Variants in DNAJC16 observed in about 807,000 individuals in gnomAD.
The protein encoded by DNAJC16 is DnaJ heat shock protein family (Hsp40) member C16, also known as dnaJ homolog subfamily C member 16.
In DNAJC16, 76 loss-of-function variants were observed where a neutral mutation model predicts 92.7. The observed-to-expected ratio is 0.82, with a 90% CI of 0.68 to 0.99. The LOEUF (loss-of-function observed/expected upper bound fraction) is 0.99, where lower values mean the gene tolerates loss of function less well. DNAJC16 is among the 50% of genes least tolerant of loss of function. The probability of loss-of-function intolerance (pLI) is 0.00; values close to 1 mark genes in which losing one functional copy is unlikely to be tolerated. For missense variants in DNAJC16, 869 were observed against 942.4 expected, an observed-to-expected ratio of 0.92 and a Z score of 1.02; for synonymous variants, 328 against 358.7, an observed-to-expected ratio of 0.91 and a Z score of 0.97.
intron 4 of DNAJC16, among the ~76,000 whole-genome samples, chr1:15,539,398 A>T (rs1337039405): frequency 6.6e-6 from 1 of 151,782 alleles, no homozygotes; most frequent in East Asian, 1.9e-4. Flanking sequence ...GGCACCCATC[A>T]CCACGCCCGG....
chr1:15,568,967 G>A lies in DNAJC16; in HGVS notation c.*790G>A, dbSNP rs1638883857. On this transcript the variant is annotated 3_prime_UTR_variant, in exon 15 of 15. Transcript: ENST00000375847. ...AGTACTGTGATGACTTTGAGCCGTT[G>A]ACATGTATGTCTTCAGATGCCTTTC... 5 of 351,604 alleles carry A rather than the reference G, an allele frequency of 1.4e-5. No homozygotes were observed. Among genetic ancestry groups the A allele is most frequent in the Admixed American group, 4.7e-5 (1 of 21,100 alleles). 21.8% of individuals were successfully genotyped at this position (351,604 alleles called of 1,614,324 possible).
intron 1 of DNAJC16, 70 bp downstream of exon 1, chr1:15,527,028 C>T (rs1046381506): frequency 1.3e-5 from 2 of 152,318 alleles, no homozygotes; most frequent in African/African-American, 2.4e-5. Context: ...GGGATTTCCC[C>T]TCAGTTCCTT....
At chr1:15,566,353 G>T in intron 13 of DNAJC16, 173 bp downstream of exon 13, 1 of 608,656 alleles carries the variant, frequency 1.6e-6, no homozygotes, top group Non-Finnish European at 2.8e-6. Context: ...CTAAGACCCT[G>T]TAGGTGTTTA....
At chr1:15,528,150 T>C (rs570230714) in intron 1 of DNAJC16, among the ~76,000 whole-genome samples, 1 of 152,348 alleles carries the variant, frequency 6.6e-6, no homozygotes, top group African/African-American at 2.4e-5. Context: ...AATGACCATA[T>C]TGGCCGGCGC....
intron 4 of DNAJC16, among the ~76,000 whole-genome samples, chr1:15,539,248 T>TA (rs1491558311): frequency 6.7e-6 from 1 of 150,298 alleles, no homozygotes; most frequent in Non-Finnish European, 1.5e-5. Flanking sequence ...ATTTTATTTT[T>TA]TTTTTTTATT....
chr1:15,565,841 G>C (rs1445086571), intron 11 of DNAJC16, 78 bp from the exon 12 acceptor site: 1 of 1,453,538 alleles, frequency 6.9e-7, no homozygotes, highest in Non-Finnish European at 9.6e-7. Context: ...TTTTTGGTTT[G>C]GGATTTTTAT....
chr1:15,541,036 C>A (rs968637986), intron 4 of DNAJC16, among the ~76,000 whole-genome samples: 2 of 152,144 alleles, frequency 1.3e-5, no homozygotes, highest in African/African-American at 4.8e-5. Flanking sequence ...TGATGCCTCA[C>A]CCTCCCCCAG....
chr1:15,545,716 C>T (rs932764091), intron 5 of DNAJC16, among the ~76,000 whole-genome samples: 3 of 152,194 alleles, frequency 2.0e-5, no homozygotes, highest in African/African-American at 7.2e-5. Context: ...CACCTTCACG[C>T]TCCTTTAAGG....
chr1:15,534,425 T>C, intron 3 of DNAJC16, 122 bp downstream of exon 3: 2 of 1,022,242 alleles, frequency 2.0e-6, no homozygotes, highest in South Asian at 1.6e-5. Context: ...AGTTTCTAGA[T>C]TATAATAGAG....
At position 15,544,467 on chromosome 1, in the gene DNAJC16, A is replaced by G. The variant is rs1553147271; in HGVS notation, c.643A>G (p.Thr215Ala). 1 of 1,614,136 alleles carries G rather than the reference A, an allele frequency of 6.2e-7. No individual in the cohort carries two copies. Among genetic ancestry groups the G allele is most frequent in the Non-Finnish European group, 8.5e-7 (1 of 1,180,018 alleles). The change falls in exon 5 of 15, where the codon ACG (threonine) becomes GCG (alanine). Residue 215 changes from threonine (T) to alanine (A), a missense_variant. Physicochemically the swap from Thr to Ala is moderately conservative, Grantham distance 58 (BLOSUM62 0). Transcript: ENST00000375847. ...RLAHHLGAHS[T>A]PSILGIINGK... is the part of the protein sequence containing the mutation. ...GGCCCATCACCTAGGGGCACACAGC[A>G]CGCCCTCTATCCTAGGAATCATTAA...
chr1:15,567,058 C>A (rs772979762), intron 13 of DNAJC16, 41 bp from the exon 14 acceptor site: 1 of 1,579,392 alleles, frequency 6.3e-7, no homozygotes, highest in Admixed American at 1.7e-5. Flanking sequence ...GGCTTTCCCC[C>A]TATCCTGACA....
At chr1:15,555,141 C>T (rs1251736215) in intron 7 of DNAJC16, among the ~76,000 whole-genome samples, 3 of 148,212 alleles carry the variant, frequency 2.0e-5, no homozygotes, top group Admixed American at 1.3e-4. Context: ...TTTTGGAGGC[C>T]GAGGCAGGTG....
Position 15,537,455 on chromosome 1 carries a change from A to G in DNAJC16, c.574+641A>G, listed in dbSNP as rs56988824. 3.9e-4 allele frequency among the ~76,000 whole-genome samples: 59 copies of G among 152,320 alleles called. 1 individual carries two copies. In the East Asian group the frequency reaches 9.2e-3, roughly 24 times the overall value. ...AGAGAAAATATATACACAGAGAATTAACACTGACCTCACATTTGCAAGCAC... is the reference window on the plus strand; with the variant it reads ...AGAGAAAATATATACACAGAGAATTGACACTGACCTCACATTTGCAAGCAC... On this transcript the variant is annotated intron_variant, in intron 4 of 14. Transcript: ENST00000375847.
Position 15,526,961 on chromosome 1 carries a change from A to G in DNAJC16, c.-19+3A>G, listed in dbSNP as rs1354267664. 1 of 152,372 alleles carries G rather than the reference A, an allele frequency of 6.6e-6. No individual in the cohort carries two copies. The highest frequency in any genetic ancestry group is 1.5e-5 in the Non-Finnish European group (1 of 68,122). The allele number at this position is 152,372 out of a possible 1,614,324, so 9.4% of individuals were successfully genotyped here. On this transcript the variant is annotated splice_donor_region_variant and intron_variant, in intron 1 of 14. Transcript: ENST00000375847. ...GGTTGGGCCGGTGTACTTTCCCGGT[A>G]ACTCCTTCCCGGCGTGACGCGCGGA... is the stretch of plus-strand genomic sequence containing the variant.
In DNAJC16 at chr1:15,544,432, A is replaced by T; in HGVS notation, c.608A>T (p.Glu203Val). The change falls in exon 5 of 15, where the codon GAG becomes GTG. Residue 203 changes from glutamate (E) to valine (V), a missense_variant. Glu to Val is a moderately radical substitution (Grantham distance 121). Coordinates refer to ENST00000375847, the MANE Select transcript of DNAJC16 (RefSeq NM_015291.4). ...ATTGGCGTGGTCCATGCTGGGTATG[A>T]GAGACGCCTGGCCCATCACCTAGGG... Reference protein sequence around the residue: ...VGIGVVHAGYERRLAHHLGAH... With the variant: ...VGIGVVHAGYVRRLAHHLGAH... 6.2e-7 allele frequency: 1 copy of T among 1,614,012 alleles called. No homozygotes were observed. Among genetic ancestry groups the T allele is most frequent in the Non-Finnish European group, 8.5e-7 (1 of 1,179,932 alleles).
chr1:15,534,864 C>T (rs1372310716), intron 3 of DNAJC16, among the ~76,000 whole-genome samples: 1 of 152,172 alleles, frequency 6.6e-6, no homozygotes, highest in African/African-American at 2.4e-5. Flanking sequence ...CTGTATGTGT[C>T]ACTATTGCCT....
Position 15,562,212 on chromosome 1 carries a change from G to C in DNAJC16, c.1225G>C (p.Ala409Pro), listed in dbSNP as rs1557587029. 6.2e-7 allele frequency: 1 copy of C among 1,614,064 alleles called. No homozygotes were observed. Among genetic ancestry groups the C allele is most frequent in the Non-Finnish European group, 8.5e-7 (1 of 1,179,948 alleles). Residue 409 changes from alanine to proline, a missense_variant, in exon 9 of 15, where the codon GCC becomes CCC. Ala to Pro is a conservative substitution (Grantham distance 27, BLOSUM62 -1). Coordinates refer to ENST00000375847, the MANE Select transcript of DNAJC16 (RefSeq NM_015291.4). ...SKPFEAFLSF[A>P]LANTQDTVRF... ...ACCCTTTGAGGCTTTCCTGTCCTTT[G>C]CCCTGGCAAACACTCAAGACACAGT...
chr1:15,569,496 A>T lies in DNAJC16; in HGVS notation c.*1319A>T, dbSNP rs1638898090. ...TTAGAGAGCATACCTTTTATTTTTC[A>T]GGGCAGAATGACCAGTGGTTCTGAG... On this transcript the variant is annotated 3_prime_UTR_variant, in exon 15 of 15. Coordinates refer to ENST00000375847, the MANE Select transcript of DNAJC16 (RefSeq NM_015291.4). 1 of 152,294 alleles carries T rather than the reference A, an allele frequency of 6.6e-6. No homozygotes were observed. Among genetic ancestry groups the T allele is most frequent in the South Asian group, 2.1e-4 (1 of 4,828 alleles). 9.4% of individuals were successfully genotyped at this position (152,294 alleles called of 1,614,324 possible).
At chr1:15,529,014 T>G (rs1710589106) in intron 1 of DNAJC16, 74 bp from the exon 2 acceptor site, 6 of 1,373,968 alleles carry the variant, frequency 4.4e-6, no homozygotes, top group Non-Finnish European at 6.0e-6. Flanking sequence ...TCTATATATC[T>G]TATACCTTTA....
Sources: gnomAD v4.1 joint callset for allele counts (sites outside exome capture counted in the v4.1 genomes callset) on GRCh38, gnomAD v4.1.1 for gene constraint, MANE v1.5 for transcripts, NCBI Gene and HGNC (gene_info 2026-07-23, HGNC 2026-07-21) for gene names.